CPA6: variants seen among roughly 807,000 people sequenced by gnomAD.
CPA6 encodes the protein carboxypeptidase B.
CPA6 carries 58 observed loss-of-function variants against 63.3 expected under a neutral mutation model. That is an observed-to-expected ratio of 0.92 (90% CI 0.74 to 1.14). The LOEUF is 1.14. Ranked by LOEUF, CPA6 falls within the 50% of genes most tolerant of loss-of-function variation. The pLI, the probability that CPA6 is intolerant of heterozygous loss-of-function variation, is 0.00. For synonymous variants in CPA6, 185 were observed against 179.0 expected (o/e 1.03, Z -0.27); for missense variants, 565 against 526.6 (o/e 1.07, Z -0.71).
At position 67,729,295 on chromosome 8, in the gene CPA6, A is replaced by AT. The variant is rs576769330; in HGVS notation, c.116+16718dup. Among the ~76,000 whole-genome samples, 214 of 152,360 alleles carry AT rather than the reference A, an allele frequency of 1.4e-3. 1 individual carries two copies. Among genetic ancestry groups the AT allele is most frequent in the Middle Eastern group, 0.014 (4 of 294 alleles). The stretch of plus-strand genomic sequence containing the variant: ...TGATATGTTAATGGAAAATCTGCAC[A>AT]TAAGCTGCTCGTATTTTTATAGCAT... On this transcript the variant is annotated intron_variant, in intron 1 of 10. Coordinates refer to ENST00000297770, the MANE Select transcript of CPA6 (RefSeq NM_020361.5).
intron 2 of CPA6, among the ~76,000 whole-genome samples, chr8:67,605,616 A>G (rs746315704): frequency 6.9e-6 from 1 of 145,336 alleles, no homozygotes; most frequent in African/African-American, 2.6e-5. Context: ...GGACCTAGTG[A>G]TCTGTGATAG....
intron 1 of CPA6, among the ~76,000 whole-genome samples, chr8:67,705,712 T>C (rs1817119917): frequency 6.6e-6 from 1 of 152,224 alleles, no homozygotes; most frequent in South Asian, 2.1e-4. Context: ...AACTTCATCC[T>C]GGTCAGTCCT....
intron 1 of CPA6, among the ~76,000 whole-genome samples, chr8:67,632,961 A>G (rs1815377831): frequency 6.6e-6 from 1 of 152,194 alleles, no homozygotes; most frequent in Admixed American, 6.5e-5. Flanking sequence ...ATTTTCATTT[A>G]CTGTGTCCTT....
chr8:67,603,346 A>T (rs1397238727), intron 2 of CPA6, among the ~76,000 whole-genome samples: 1 of 152,116 alleles, frequency 6.6e-6, no homozygotes, highest in East Asian at 1.9e-4. Flanking sequence ...AAATTCTTTG[A>T]AGTGAAACAT....
chr8:67,494,640 T>C (rs1811672192), intron 6 of CPA6, among the ~76,000 whole-genome samples: 1 of 152,136 alleles, frequency 6.6e-6, no homozygotes, highest in Admixed American at 6.6e-5. Context: ...AGAATTAAAG[T>C]GGCCTTTCCA....
intron 1 of CPA6, among the ~76,000 whole-genome samples, chr8:67,699,120 T>C (rs768498768): frequency 5.3e-5 from 8 of 152,074 alleles, no homozygotes; most frequent in Non-Finnish European, 8.8e-5. Context: ...ACAAATATAA[T>C]GAAAAACGGG....
chr8:67,431,169 G>C (rs1810019524), intron 9 of CPA6, among the ~76,000 whole-genome samples: 1 of 151,526 alleles, frequency 6.6e-6, no homozygotes, highest in Admixed American at 6.6e-5. Context: ...TATGCCACAT[G>C]TTCCAATCCA....
chr8:67,741,305 T>G (rs972372063), intron 1 of CPA6, among the ~76,000 whole-genome samples: 3 of 152,158 alleles, frequency 2.0e-5, no homozygotes, highest in African/African-American at 4.8e-5. Flanking sequence ...CTCTGCATAC[T>G]CAGCCTATGT....
At chr8:67,547,054 A>ATT (rs546889217) in intron 2 of CPA6, among the ~76,000 whole-genome samples, 1,563 of 151,548 alleles carry the variant, frequency 0.01, 36 homozygotes, top group African/African-American at 0.036. Flanking sequence ...TATTTTATTT[A>ATT]TTTTTTTTGT....
intron 2 of CPA6, among the ~76,000 whole-genome samples, chr8:67,567,567 C>T (rs991438842): frequency 6.6e-6 from 1 of 152,164 alleles, no homozygotes; most frequent in African/African-American, 2.4e-5. Context: ...CATTCCCCTC[C>T]ACAGGAAAAT....
chr8:67,543,821 T>C (rs998703450), intron 2 of CPA6, among the ~76,000 whole-genome samples: 1 of 149,888 alleles, frequency 6.7e-6, no homozygotes, highest in African/African-American at 2.4e-5. Flanking sequence ...TCTTGCTGTG[T>C]TGCCCAGGCT....
At chr8:67,660,057 C>A (rs923359042) in intron 1 of CPA6, among the ~76,000 whole-genome samples, 2 of 152,122 alleles carry the variant, frequency 1.3e-5, no homozygotes, top group Non-Finnish European at 2.9e-5. Context: ...CATGTAATTT[C>A]AAATCTAGTT....
intron 1 of CPA6, among the ~76,000 whole-genome samples, chr8:67,646,146 C>A (rs529377103): frequency 6.6e-6 from 1 of 152,302 alleles, no homozygotes; most frequent in East Asian, 1.9e-4. Flanking sequence ...TGACAGGTGA[C>A]AAACACCATG....
chr8:67,733,533 G>T (rs1034604683), intron 1 of CPA6, among the ~76,000 whole-genome samples: 1 of 151,906 alleles, frequency 6.6e-6, no homozygotes, highest in Non-Finnish European at 1.5e-5. Context: ...TTTTATCTCC[G>T]CTCAGAGTCC....
chr8:67,462,522 A>G (rs1340951991), intron 8 of CPA6, among the ~76,000 whole-genome samples: 2 of 152,246 alleles, frequency 1.3e-5, no homozygotes. Context: ...GTAGTAGGAT[A>G]TATTCCTAAA....
chr8:67,592,479 T>C (rs1385387320), intron 2 of CPA6, among the ~76,000 whole-genome samples: 1 of 151,986 alleles, frequency 6.6e-6, no homozygotes, highest in Non-Finnish European at 1.5e-5. Context: ...TTCCTCCTTG[T>C]ACCTCTGGTA....
chr8:67,696,916 G>A (rs1361297288), intron 1 of CPA6, among the ~76,000 whole-genome samples: 1 of 152,212 alleles, frequency 6.6e-6, no homozygotes, highest in East Asian at 1.9e-4. Flanking sequence ...CTAGACTTTG[G>A]AAGCAGCTGC....
chr8:67,635,058 T>TA (rs1381536484), intron 1 of CPA6, among the ~76,000 whole-genome samples: 3 of 151,276 alleles, frequency 2.0e-5, no homozygotes, highest in African/African-American at 4.9e-5. Flanking sequence ...TGCTATTTTT[T>TA]AAAAAAAATT....
chr8:67,657,671 A>G (rs578106813), intron 1 of CPA6, among the ~76,000 whole-genome samples: 70 of 152,318 alleles, frequency 4.6e-4, no homozygotes, highest in Non-Finnish European at 9.0e-4. Context: ...AGAAGGTTCT[A>G]AACTACTTTT....
Sources: gnomAD v4.1 joint callset for allele counts (sites outside exome capture counted in the v4.1 genomes callset) on GRCh38, gnomAD v4.1.1 for gene constraint, MANE v1.5 for transcripts, NCBI Gene and HGNC (gene_info 2026-07-23, HGNC 2026-07-21) for gene names.